Variants in PDIA5 observed in about 807,000 individuals in gnomAD.
PDIA5 encodes the protein protein disulfide isomerase family A member 5, also known as protein disulfide-isomerase A5.
PDIA5 carries 58 observed loss-of-function variants against 77.6 expected under a neutral mutation model. That is an observed-to-expected ratio of 0.75 (90% CI 0.61 to 0.93). The LOEUF (loss-of-function observed/expected upper bound fraction) is 0.93, where lower values mean the gene tolerates loss of function less well. PDIA5 is among the 40% of genes least tolerant of loss of function. The probability of loss-of-function intolerance (pLI) is 0.00; values close to 1 mark genes in which losing one functional copy is unlikely to be tolerated. For missense variants in PDIA5, 630 were observed against 647.7 expected (o/e 0.97, Z 0.30); for synonymous variants, 250 against 252.1 (o/e 0.99, Z 0.08).
chr3:123,075,026 G>A (rs1459446676), intron 1 of PDIA5, among the ~76,000 whole-genome samples: 1 of 152,156 alleles, frequency 6.6e-6, no homozygotes, highest in Non-Finnish European at 1.5e-5. Flanking sequence ...TTTCTGTTTG[G>A]TAAAGAAGAG....
At chr3:123,156,568 G>A (rs977528198) in intron 15 of PDIA5, among the ~76,000 whole-genome samples, 9 of 152,214 alleles carry the variant, frequency 5.9e-5, no homozygotes, top group African/African-American at 2.2e-4. Flanking sequence ...CGGAATAGCT[G>A]CCACTCTGTA....
chr3:123,141,372 G>A (rs1263307931), intron 11 of PDIA5, among the ~76,000 whole-genome samples: 2 of 152,144 alleles, frequency 1.3e-5, no homozygotes, highest in Non-Finnish European at 2.9e-5. Context: ...ATTTCCCGAG[G>A]CCTCCCAGTG....
chr3:123,087,043 G>C (rs950363574), intron 1 of PDIA5, among the ~76,000 whole-genome samples: 22 of 152,128 alleles, frequency 1.4e-4, no homozygotes, highest in African/African-American at 5.3e-4. Flanking sequence ...AAATGGTTAG[G>C]GTCTCCCCTT....
intron 2 of PDIA5, among the ~76,000 whole-genome samples, chr3:123,089,559 G>A (rs1192228949): frequency 6.6e-6 from 1 of 152,266 alleles, no homozygotes; most frequent in Non-Finnish European, 1.5e-5. Flanking sequence ...CCTCAAGAGG[G>A]AGAGGGCGTG....
At chr3:123,100,320 G>A (rs1934551887) in intron 3 of PDIA5, among the ~76,000 whole-genome samples, 2 of 152,260 alleles carry the variant, frequency 1.3e-5, no homozygotes, top group South Asian at 4.1e-4. Context: ...AACTGTAATA[G>A]CAGTTGTCAG....
intron 1 of PDIA5, among the ~76,000 whole-genome samples, chr3:123,088,131 C>T (rs1418787947): frequency 6.6e-6 from 1 of 152,218 alleles, no homozygotes; most frequent in African/African-American, 2.4e-5. Context: ...CTTACTCAAT[C>T]TCTCCATATA....
chr3:123,146,817 GT>G (rs11352856), intron 13 of PDIA5, among the ~76,000 whole-genome samples: 27,346 of 152,004 alleles, frequency 0.18, 3,109 homozygotes, highest in East Asian at 0.46. Flanking sequence ...TTACAATTTT[GT>G]TTTGTTTTGT....
intron 1 of PDIA5, among the ~76,000 whole-genome samples, chr3:123,072,105 C>A (rs1169309591): frequency 6.9e-6 from 1 of 145,030 alleles, no homozygotes; most frequent in Admixed American, 6.9e-5. Flanking sequence ...TCAATCAGGC[C>A]GCATGTAGGG....
intron 10 of PDIA5, among the ~76,000 whole-genome samples, chr3:123,125,934 T>A (rs1935238786): frequency 6.6e-6 from 1 of 152,172 alleles, no homozygotes; most frequent in Non-Finnish European, 1.5e-5. Context: ...AATAAGCGTG[T>A]CCTCTCCTCT....
intron 14 of PDIA5, among the ~76,000 whole-genome samples, chr3:123,151,774 GCCTGCCTGGCCTGCCTT>G (rs1560561603): frequency 1.4e-4 from 13 of 96,228 alleles, no homozygotes; most frequent in African/African-American, 4.2e-4. Flanking sequence ...CTGCCTGCCT[GCCTGCCTGGCCTGCCTT>G]CCTGCCTGCC....
intron 8 of PDIA5, among the ~76,000 whole-genome samples, chr3:123,121,905 C>A (rs1346443568): frequency 6.6e-6 from 1 of 152,202 alleles, no homozygotes; most frequent in East Asian, 1.9e-4. Context: ...TGCGCGACCC[C>A]ATGGGGAGTT....
intron 11 of PDIA5, among the ~76,000 whole-genome samples, chr3:123,134,938 C>G (rs934049024): frequency 6.6e-6 from 1 of 152,172 alleles, no homozygotes. Flanking sequence ...CTTGCTAGCA[C>G]TTGGCTTCCC....
rs1474050694 is a variant in PDIA5, at chr3:123,100,388, C to T, written c.258-2023C>T. Among the ~76,000 whole-genome samples, 4 of 152,370 alleles carry T rather than the reference C, an allele frequency of 2.6e-5. No individual in the cohort carries two copies. The East Asian group carries it at 7.7e-4, about 29-fold the overall frequency. ...GATAAGAAAGTTTTCAGCGGGTGCC[C>T]TGGGCTGCCTTCTCCATTTGGAGAG... On this transcript the variant is annotated intron_variant, in intron 3 of 16. Coordinates refer to ENST00000316218, the MANE Select transcript of PDIA5 (RefSeq NM_006810.4).
intron 11 of PDIA5, among the ~76,000 whole-genome samples, chr3:123,134,527 C>T (rs1268379833): frequency 6.6e-6 from 1 of 152,178 alleles, no homozygotes; most frequent in African/African-American, 2.4e-5. Context: ...GATGACTGAC[C>T]TGGAGACACC....
At chr3:123,151,342 A>G (rs1935888470) in intron 14 of PDIA5, among the ~76,000 whole-genome samples, 1 of 152,206 alleles carries the variant, frequency 6.6e-6, no homozygotes, top group South Asian at 2.1e-4. Flanking sequence ...GGGAGCTGAC[A>G]TCTTCCCTCT....
intron 3 of PDIA5, among the ~76,000 whole-genome samples, chr3:123,094,227 C>T (rs1374064194): frequency 6.7e-6 from 1 of 149,660 alleles, no homozygotes; most frequent in Non-Finnish European, 1.5e-5. Context: ...TGAATTTATT[C>T]CTGTAAGAGG....
intron 14 of PDIA5, among the ~76,000 whole-genome samples, chr3:123,150,657 T>C (rs989347577): frequency 2.0e-5 from 3 of 152,032 alleles, no homozygotes. Context: ...GGCTCCTCCA[T>C]GCCCCTGTCC....
chr3:123,155,962 G>C (rs1202799404), intron 15 of PDIA5, among the ~76,000 whole-genome samples: 1 of 152,038 alleles, frequency 6.6e-6, no homozygotes, highest in East Asian at 1.9e-4. Context: ...GTTCAGCCGA[G>C]GCAGGAAAGG....
Position 123,146,163 on chromosome 3 carries a change from T to C in PDIA5, c.1046T>C (p.Ile349Thr), listed in dbSNP as rs1259212185. 6.2e-7 allele frequency: 1 copy of C among 1,614,046 alleles called. No homozygotes were observed. Among genetic ancestry groups the C allele is most frequent in the Admixed American group, 1.7e-5 (1 of 60,026 alleles). The change falls in exon 13 of 17, where the codon ATC (isoleucine) becomes ACC (threonine). Residue 349 changes from isoleucine (I) to threonine (T), a missense_variant. Transcript: ENST00000316218. ...VNKALAERFH[I>T]SEFPTLKYFK... ...AAGGCCCTGGCAGAAAGATTCCACA[T>C]CTCAGAGTTTCCTACGTTGAAGTAT...
Sources: gnomAD v4.1 joint callset for allele counts (sites outside exome capture counted in the v4.1 genomes callset) on GRCh38, gnomAD v4.1.1 for gene constraint, MANE v1.5 for transcripts, NCBI Gene and HGNC (gene_info 2026-07-23, HGNC 2026-07-21) for gene names.